Variants in PCDHGB6 observed in about 807,000 individuals in gnomAD.
PCDHGB6 encodes protocadherin gamma-B6.
A neutral mutation model predicts 59.1 loss-of-function variants in PCDHGB6; 51 were observed. The ratio of observed to expected loss-of-function variants is 0.86; its 90% CI spans 0.69 to 1.09. PCDHGB6 has a LOEUF of 1.09. PCDHGB6 is among the 50% of genes least tolerant of loss of function. PCDHGB6 has a pLI of 0.00. For synonymous variants in PCDHGB6, 466 were observed against 495.1 expected (o/e 0.94, Z 0.78); for missense variants, 1,148 against 1,205.1 (o/e 0.95, Z 0.70).
At chr5:141,470,942 C>T (rs1156728317) in intron 1 of PCDHGB6, among the ~76,000 whole-genome samples, 1 of 152,020 alleles carries the variant, frequency 6.6e-6, no homozygotes, top group Non-Finnish European at 1.5e-5. Context: ...GTCTCAAATT[C>T]CTGGCCTCAA....
At position 141,511,349 on chromosome 5, in the gene PCDHGB6, C is replaced by CG; in HGVS notation, c.*176_*177insG. On this transcript the variant is annotated 3_prime_UTR_variant, in exon 4 of 4. Coordinates refer to ENST00000520790, the MANE Select transcript of PCDHGB6 (RefSeq NM_018926.3). The stretch of plus-strand genomic sequence containing the variant: ...GCCCAGTCAGCACCTACCCCTTCCC[C>CG]CCCAGGGGGTTGAATATGCAAAAGC... 7.1e-7 allele frequency: 1 copy of CG among 1,401,498 alleles called. No homozygotes were observed. Among genetic ancestry groups the CG allele is most frequent in the African/African-American group, 1.5e-5 (1 of 68,948 alleles). 86.8% of individuals were successfully genotyped at this position (1,401,498 alleles called of 1,614,324 possible).
chr5:141,434,621 G>A (rs980508411), intron 1 of PCDHGB6, among the ~76,000 whole-genome samples: 1 of 151,966 alleles, frequency 6.6e-6, no homozygotes, highest in Non-Finnish European at 1.5e-5. Flanking sequence ...CCATCTCTTC[G>A]TTTCCCATAA....
chr5:141,449,842 A>G (rs893220311), intron 1 of PCDHGB6, among the ~76,000 whole-genome samples: 4 of 151,700 alleles, frequency 2.6e-5, no homozygotes, highest in Non-Finnish European at 4.4e-5. Flanking sequence ...TTATATAATT[A>G]AATTTTAATA....
intron 1 of PCDHGB6, chr5:141,423,755 G>A (rs1236551808): frequency 2.5e-5 from 13 of 512,416 alleles, no homozygotes; most frequent in Non-Finnish European, 3.4e-5. Context: ...CTGTTTGGGG[G>A]GGGGGTGGGG....
In PCDHGB6 at chr5:141,432,867, T is replaced by C; in HGVS notation, c.2418+22247T>C. ...GTAGCGGTGGCCGCGGTCTCCTGCG[T>C]CTTCCTGGCCTTCGTCATCTTGCTG... On this transcript the variant is annotated intron_variant, in intron 1 of 3. Coordinates refer to ENST00000520790, the MANE Select transcript of PCDHGB6 (RefSeq NM_018926.3). The surrounding 1 kb of genome is among the most constrained non-coding windows in gnomAD (Gnocchi z 6.0). 2 of 1,614,182 alleles carry C rather than the reference T, an allele frequency of 1.2e-6. No individual in the cohort carries two copies. The highest frequency in any genetic ancestry group is 1.7e-6 in the Non-Finnish European group (2 of 1,180,010).
chr5:141,444,900 T>C (rs997464788), intron 1 of PCDHGB6, among the ~76,000 whole-genome samples: 1 of 152,182 alleles, frequency 6.6e-6, no homozygotes, highest in Non-Finnish European at 1.5e-5. Context: ...TGGGATGGCA[T>C]TGCATCTATA....
At chr5:141,421,564 G>C in intron 1 of PCDHGB6, 1 of 1,613,982 alleles carries the variant, frequency 6.2e-7, no homozygotes, top group Non-Finnish European at 8.5e-7. Context: ...TCTCGTGGAA[G>C]ACACCTTGAA....
rs144804989 is a variant in PCDHGB6 at position 141,489,791 on chromosome 5, C to T, written c.2419-5016C>T. 1.9e-6 allele frequency: 3 copies of T among 1,614,056 alleles called. No individual in the cohort carries two copies. Among genetic ancestry groups the T allele is most frequent in the Admixed American group, 1.7e-5 (1 of 60,010 alleles). Reference sequence around the variant, plus strand: ...AGCCACTTCTCTCTGAATGTGAAGACCCTAAAAGATGGGAAGCCATTCCCA... The same window carrying T: ...AGCCACTTCTCTCTGAATGTGAAGATCCTAAAAGATGGGAAGCCATTCCCA... On this transcript the variant is annotated intron_variant, in intron 1 of 3. Transcript: ENST00000520790. This position sits in a 1 kb window ranked among gnomAD's most constrained non-coding sequence, Gnocchi z 4.5.
At chr5:141,469,885 C>A (rs1464434089) in intron 1 of PCDHGB6, among the ~76,000 whole-genome samples, 3 of 152,204 alleles carry the variant, frequency 2.0e-5, no homozygotes, top group African/African-American at 4.8e-5. Context: ...AATCTCGGCA[C>A]TTTGGGAAGC....
Position 141,486,486 on chromosome 5 carries a change from A to G in PCDHGB6, c.2419-8321A>G. The G allele has an allele frequency of 6.2e-7, 1 of 1,614,056 alleles. No individual in the cohort carries two copies. Among genetic ancestry groups the G allele is most frequent in the South Asian group, 1.1e-5 (1 of 91,084 alleles). ...GCTGGGAACCCTCCTCTCAGTACCC[A>G]CAGAACTATTTTCCTCAATATTTCA... On this transcript the variant is annotated intron_variant, in intron 1 of 3. Coordinates refer to ENST00000520790, the MANE Select transcript of PCDHGB6 (RefSeq NM_018926.3). The surrounding 1 kb of genome is among the most constrained non-coding windows in gnomAD (Gnocchi z 5.0).
rs756243026 is a variant in PCDHGB6, at chr5:141,487,478, T to C, written c.2419-7329T>C. On this transcript the variant is annotated intron_variant, in intron 1 of 3. Transcript: ENST00000520790. This position sits in a 1 kb window ranked among gnomAD's most constrained non-coding sequence, Gnocchi z 5.0. ...CAAGTTTGTTGATGTGGGAGGCCAC[T>C]CTCATGGCTGTACACCCTTGGCTTC... is the stretch of plus-strand genomic sequence containing the variant. 6 of 1,614,078 alleles carry C rather than the reference T, an allele frequency of 3.7e-6. No individual in the cohort carries two copies. In the Admixed American group the frequency reaches 1.0e-4, roughly 27 times the overall value.
In PCDHGB6 at chr5:141,431,797, A is replaced by T. The variant is rs754056771; in HGVS notation, c.2418+21177A>T. 6.2e-7 allele frequency: 1 copy of T among 1,614,256 alleles called. No homozygotes were observed. The highest frequency in any genetic ancestry group is 2.2e-5 in the East Asian group (1 of 44,882). ...TGGACGTGAACGACAATGCCCCAGAAGTGGTCCTCACCTCTCTCGCCAGCT... is the reference window on the plus strand; with the variant it reads ...TGGACGTGAACGACAATGCCCCAGATGTGGTCCTCACCTCTCTCGCCAGCT... On this transcript the variant is annotated intron_variant, in intron 1 of 3. Coordinates refer to ENST00000520790, the MANE Select transcript of PCDHGB6 (RefSeq NM_018926.3). This position sits in a 1 kb window ranked among gnomAD's most constrained non-coding sequence, Gnocchi z 4.8.
rs551414580 is a variant in PCDHGB6, at chr5:141,493,693, C to T, written c.2419-1114C>T. ...GCCCCAGAATGGTGCTGGTGACTCC[C>T]GATACACCTGGAATGCTAGGTTTCT... On this transcript the variant is annotated intron_variant, in intron 1 of 3. Coordinates refer to ENST00000520790, the MANE Select transcript of PCDHGB6 (RefSeq NM_018926.3). This position sits in a 1 kb window ranked among gnomAD's most constrained non-coding sequence, Gnocchi z 4.3. 5.3e-5 allele frequency among the ~76,000 whole-genome samples: 8 copies of T among 152,168 alleles called. No individual in the cohort carries two copies. Among genetic ancestry groups the T allele is most frequent in the Non-Finnish European group, 1.0e-4 (7 of 68,032 alleles).
chr5:141,422,487 T>C lies in PCDHGB6; in HGVS notation c.2418+11867T>C, dbSNP rs1295400741. 5.0e-6 allele frequency: 8 copies of C among 1,613,938 alleles called. No individual in the cohort carries two copies. The East Asian group carries it at 1.8e-4, about 36-fold the overall frequency. ...ACAGGGAGTTGGTCCAGAGCTACAA[T>C]ATAACGTTGACAGCCACAGACCAGG... On this transcript the variant is annotated intron_variant, in intron 1 of 3. Coordinates refer to ENST00000520790, the MANE Select transcript of PCDHGB6 (RefSeq NM_018926.3).
intron 1 of PCDHGB6, chr5:141,427,448 TC>T (rs1355717683): frequency 6.2e-6 from 3 of 484,982 alleles, no homozygotes; most frequent in Non-Finnish European, 1.2e-5. Flanking sequence ...ACGAAAGAGT[TC>T]CTTTTAGAAT....
chr5:141,444,920 G>A (rs2098451595), intron 1 of PCDHGB6, among the ~76,000 whole-genome samples: 1 of 152,110 alleles, frequency 6.6e-6, no homozygotes, highest in Non-Finnish European at 1.5e-5. Context: ...ACCTTTATCA[G>A]GGAAAGAGGG....
Position 141,432,732 on chromosome 5 carries a change from T to G in PCDHGB6, c.2418+22112T>G, listed in dbSNP as rs1300743675. 2.5e-6 allele frequency: 4 copies of G among 1,613,940 alleles called. No individual in the cohort carries two copies. Among genetic ancestry groups the G allele is most frequent in the Non-Finnish European group, 3.4e-6 (4 of 1,179,992 alleles). On this transcript the variant is annotated intron_variant, in intron 1 of 3. Coordinates refer to ENST00000520790, the MANE Select transcript of PCDHGB6 (RefSeq NM_018926.3). This position sits in a 1 kb window ranked among gnomAD's most constrained non-coding sequence, Gnocchi z 6.0. ...GGCCAGCCCCCTCTCTCCGCCACTG[T>G]CACGCTCACCGTGGCCGTGGCCGAC...
Position 141,485,256 on chromosome 5 carries a change from G to A in PCDHGB6, c.2419-9551G>A, listed in dbSNP as rs770176450. The A allele has an allele frequency of 6.2e-7, 1 of 1,614,186 alleles. No homozygotes were observed. Among genetic ancestry groups the A allele is most frequent in the Non-Finnish European group, 8.5e-7 (1 of 1,179,996 alleles). On this transcript the variant is annotated intron_variant, in intron 1 of 3. Transcript: ENST00000520790. The surrounding 1 kb of genome is among the most constrained non-coding windows in gnomAD (Gnocchi z 5.7). ...CTCTTTTACCACCTGGGTTACGTTTGTGGGCAGATCCGCTACCCGGTCCCA... is the reference window on the plus strand; with the variant it reads ...CTCTTTTACCACCTGGGTTACGTTTATGGGCAGATCCGCTACCCGGTCCCA...
intron 1 of PCDHGB6, among the ~76,000 whole-genome samples, chr5:141,463,797 T>C (rs58523023): frequency 0.28 from 42,459 of 152,012 alleles, 6,656 homozygotes; most frequent in African/African-American, 0.43. Flanking sequence ...TGAACAAATG[T>C]CTAAAAGCTT....
Sources: allele counts gnomAD v4.1 joint callset (sites outside exome capture counted in the v4.1 genomes callset), GRCh38; gene constraint gnomAD v4.1.1; non-coding constraint Gnocchi (gnomAD v3.1); transcripts MANE v1.5; gene names NCBI Gene and HGNC (gene_info 2026-07-23, HGNC 2026-07-21).